The following BTNL2 variants were observed in gnomAD, a reference collection of about 807,000 sequenced individuals.
BTNL2 encodes the protein butyrophilin like 2.
BTNL2 carries 46 observed loss-of-function variants against 46.8 expected under a neutral mutation model. The ratio of observed to expected loss-of-function variants is 0.98; its 90% CI spans 0.78 to 1.26. The LOEUF is 1.26. Ranked by LOEUF, BTNL2 falls within the 50% of genes most tolerant of loss-of-function variation. BTNL2 has a pLI of 0.00. For missense variants in BTNL2, 461 were observed against 592.6 expected (o/e 0.78, Z 2.31); for synonymous variants, 226 against 229.1 (o/e 0.99, Z 0.12).
At chr6:32,401,872 T>TA in intron 3 of BTNL2, 67 bp from the exon 4 acceptor site, 1 of 1,454,046 alleles carries the variant, frequency 6.9e-7, no homozygotes. Flanking sequence ...AACTATTTTT[T>TA]AAAAAAGAAA....
At chr6:32,400,908 GTC>G (rs1776732520) in intron 4 of BTNL2, among the ~76,000 whole-genome samples, 1 of 93,172 alleles carries the variant, frequency 1.1e-5, no homozygotes, top group Non-Finnish European at 2.2e-5. Context: ...GCGAGACTCC[GTC>G]TCAAAAAAAA....
intron 2 of BTNL2, among the ~76,000 whole-genome samples, chr6:32,404,335 A>G (rs73400869): frequency 0.1 from 15,887 of 152,012 alleles, 968 homozygotes; most frequent in East Asian, 0.2. Flanking sequence ...CTTCTTCCCT[A>G]CTCCTTCCTG....
chr6:32,393,926 T>A lies in BTNL2; in HGVS notation c.*6+37A>T. ...GGGAAGTACGCAGTACGGTTCCCAC[T>A]GCAGTGTGCTCCGCTGTTTCTGTTT... is the stretch of plus-strand genomic sequence containing the variant. On this transcript the variant is annotated intron_variant, in intron 7 of 7. Transcript: ENST00000454136. The surrounding 1 kb of genome is among the most constrained non-coding windows in gnomAD (Gnocchi z 4.8). 6.5e-7 allele frequency: 1 copy of A among 1,548,400 alleles called. No homozygotes were observed. The highest frequency in any genetic ancestry group is 8.7e-7 in the Non-Finnish European group (1 of 1,145,770).
chr6:32,402,362 A>G (rs1161307750), intron 3 of BTNL2, among the ~76,000 whole-genome samples: 1 of 152,202 alleles, frequency 6.6e-6, no homozygotes, highest in African/African-American at 2.4e-5. Context: ...GGAAATGTCA[A>G]TTTATAGGTA....
chr6:32,400,754 A>AAAAAACAAAAC (rs1381183829), intron 4 of BTNL2, among the ~76,000 whole-genome samples: 10 of 140,264 alleles, frequency 7.1e-5, no homozygotes, highest in Non-Finnish European at 1.4e-4. Flanking sequence ...CTAAAAAAAA[A>AAAAAACAAAAC]AAAAAAAAAT....
In BTNL2 at chr6:32,394,701, A is replaced by C; in HGVS notation, c.1360+43T>G. 5.1e-6 allele frequency: 8 copies of C among 1,574,326 alleles called. No homozygotes were observed. Among genetic ancestry groups the C allele is most frequent in the Non-Finnish European group, 5.2e-6 (6 of 1,156,186 alleles). ...AATGAGTAAGTCTGAGTTGGTCTTCATATTTATTTTCCAAACCTGAAGGAA... is the reference window on the plus strand; with the variant it reads ...AATGAGTAAGTCTGAGTTGGTCTTCCTATTTATTTTCCAAACCTGAAGGAA... On this transcript the variant is annotated intron_variant, in intron 6 of 7. Transcript: ENST00000454136. The surrounding 1 kb of genome is among the most constrained non-coding windows in gnomAD (Gnocchi z 4.6).
chr6:32,397,662 G>A (rs888705150), intron 4 of BTNL2, among the ~76,000 whole-genome samples: 3 of 152,198 alleles, frequency 2.0e-5, no homozygotes, highest in African/African-American at 7.2e-5. Flanking sequence ...AAATCATAAT[G>A]TTTCAGAGTT....
intron 3 of BTNL2, among the ~76,000 whole-genome samples, chr6:32,402,174 G>T (rs61003922): frequency 0.018 from 2,667 of 152,116 alleles, 76 homozygotes; most frequent in East Asian, 0.11. Context: ...GTAGAGAGAC[G>T]AATTATATGT....
At position 32,399,093 on chromosome 6, in the gene BTNL2, A is replaced by G. The variant is rs1295411622; in HGVS notation, c.730+2692T>C. ...GATGCTCTCCCTCCCCCATCCCCCAACAGGTGTCCAGTGTGTGTTGTTCCC... is the reference window on the plus strand; with the variant it reads ...GATGCTCTCCCTCCCCCATCCCCCAGCAGGTGTCCAGTGTGTGTTGTTCCC... On this transcript the variant is annotated intron_variant, in intron 4 of 7. Transcript: ENST00000454136. This position sits in a 1 kb window ranked among gnomAD's most constrained non-coding sequence, Gnocchi z 5.2. Among the ~76,000 whole-genome samples, 2 of 152,018 alleles carry G rather than the reference A, an allele frequency of 1.3e-5. No homozygotes were observed. The highest frequency in any genetic ancestry group is 2.9e-5 in the Non-Finnish European group (2 of 68,002).
Position 32,396,375 on chromosome 6 carries a change from CT to C in BTNL2, c.741del (p.Val248Ter). ...EKLQTELASL[K>X]VNGPSQPILV... ...AGGATGGGCTGGGAAGGTCCATTCACTTTTAAAGAAGCTGTTAAATAGAGTG... is the reference window on the plus strand; with the variant it reads ...AGGATGGGCTGGGAAGGTCCATTCACTTTAAAGAAGCTGTTAAATAGAGTG... On this transcript the variant is annotated frameshift_variant, in exon 5 of 8. Coordinates refer to ENST00000454136, the MANE Select transcript of BTNL2 (RefSeq NM_001304561.2). LOFTEE classifies it high-confidence loss of function. The surrounding 1 kb of genome is among the most constrained non-coding windows in gnomAD (Gnocchi z 4.4). The C allele has an allele frequency of 6.2e-7, 1 of 1,612,394 alleles. No individual in the cohort carries two copies. Among genetic ancestry groups the C allele is most frequent in the South Asian group, 1.1e-5 (1 of 90,960 alleles).
chr6:32,398,271 G>C (rs1776564175), intron 4 of BTNL2, among the ~76,000 whole-genome samples: 1 of 152,176 alleles, frequency 6.6e-6, no homozygotes, highest in Non-Finnish European at 1.5e-5. Flanking sequence ...TTGGTTCTCT[G>C]CATAGAGTCA....
intron 3 of BTNL2, among the ~76,000 whole-genome samples, chr6:32,402,405 G>A (rs1776839262): frequency 6.9e-6 from 1 of 145,746 alleles, no homozygotes; most frequent in Non-Finnish European, 1.5e-5. Flanking sequence ...AGTGCATCAT[G>A]AGGATTTTTT....
chr6:32,397,918 TA>T (rs1776546605), intron 4 of BTNL2, among the ~76,000 whole-genome samples: 1 of 152,380 alleles, frequency 6.6e-6, no homozygotes, highest in South Asian at 2.1e-4. Flanking sequence ...ATGCTCCACA[TA>T]GGTGGAGTTA....
intron 2 of BTNL2, 93 bp from the exon 3 acceptor site, chr6:32,403,309 GGCCGGA>G: frequency 7.1e-7 from 1 of 1,416,372 alleles, no homozygotes. Context: ...ACAGGGAGGT[GGCCGGA>G]GTTCAGGAGT....
intron 2 of BTNL2, chr6:32,403,613 G>C (rs114366563): frequency 5.7e-6 from 1 of 176,218 alleles, no homozygotes; most frequent in Non-Finnish European, 1.2e-5. Flanking sequence ...TTTAGATGAT[G>C]TCTTGAACTC....
Position 32,404,955 on chromosome 6 carries a change from C to A in BTNL2, c.411G>T (p.Leu137Phe). ...GATATTCACCTGCTACTTTGAGCAGCAAGCTTGTTTCTCCACAGTAGTTCC... is the reference window on the plus strand; with the variant it reads ...GATATTCACCTGCTACTTTGAGCAGAAAGCTTGTTTCTCCACAGTAGTTCC... ...QDGNYCGETS[L>F]LLKVAGLGSA... The change falls in exon 2 of 8, where the codon TTG (leucine) becomes TTT (phenylalanine). Residue 137 changes from leucine to phenylalanine, a missense_variant. Transcript: ENST00000454136. The A allele has an allele frequency of 1.2e-6, 2 of 1,612,868 alleles. No homozygotes were observed. Among genetic ancestry groups the A allele is most frequent in the Non-Finnish European group, 1.7e-6 (2 of 1,179,836 alleles).
chr6:32,401,841 T>C (rs1371683750), intron 3 of BTNL2, 36 bp from the exon 4 acceptor site: 2 of 1,592,862 alleles, frequency 1.3e-6, no homozygotes, highest in Admixed American at 1.7e-5. Flanking sequence ...TTAAGGAATT[T>C]GGTGTAAGGG....
chr6:32,405,531 G>A (rs1399549650), intron 1 of BTNL2: 34 of 551,322 alleles, frequency 6.2e-5, no homozygotes, highest in Middle Eastern at 4.8e-4. Context: ...CCAGCTATGT[G>A]ATTCGGTGGC....
rs1307907373 is a variant in BTNL2, at chr6:32,399,006, T to C, written c.731-2620A>G. ...ATAGGTAAACATGTGCCATGGTGGC[T>C]TACTGCACAGGTCATCCCATCACCC... On this transcript the variant is annotated intron_variant, in intron 4 of 7. Transcript: ENST00000454136. This position sits in a 1 kb window ranked among gnomAD's most constrained non-coding sequence, Gnocchi z 5.2. 1.3e-5 allele frequency among the ~76,000 whole-genome samples: 2 copies of C among 152,196 alleles called. No individual in the cohort carries two copies. The highest frequency in any genetic ancestry group is 2.9e-5 in the Non-Finnish European group (2 of 68,034).
Sources: gnomAD v4.1 joint callset for allele counts (sites outside exome capture counted in the v4.1 genomes callset) on GRCh38, gnomAD v4.1.1 for gene constraint, Gnocchi (gnomAD v3.1) non-coding constraint, MANE v1.5 for transcripts, NCBI Gene and HGNC (gene_info 2026-07-23, HGNC 2026-07-21) for gene names.